PRKN: variants seen among roughly 807,000 people sequenced by gnomAD.
The protein encoded by PRKN is parkin RBR E3 ubiquitin protein ligase, also known as E3 ubiquitin-protein ligase parkin.
Under a neutral mutation model 59.5 loss-of-function variants are expected in PRKN, and 56 were observed. The observed-to-expected ratio is 0.94, with a 90% CI of 0.76 to 1.18. The LOEUF is 1.18. Ranked by LOEUF, PRKN falls within the 50% of genes most tolerant of loss-of-function variation. The pLI is 0.00. For missense variants in PRKN, 657 were observed against 596.4 expected (o/e 1.10, Z -1.06); for synonymous variants, 250 against 222.1 (o/e 1.13, Z -1.12).
rs1043525703 is a variant in PRKN, at chr6:161,704,619, C to T, written c.871+81153G>A. 5.3e-5 allele frequency among the ~76,000 whole-genome samples: 8 copies of T among 152,140 alleles called. No homozygotes were observed. In the South Asian group the frequency reaches 1.2e-3, roughly 24 times the overall value. On this transcript the variant is annotated intron_variant, in intron 7 of 11. Transcript: ENST00000366898. ...AGAAAATCTGCACACCCAGGTCCTC[C>T]GGTTCCCCACCTAGGTTAGAGCTGC...
chr6:162,504,701 C>CAT (rs1793528469), intron 1 of PRKN, among the ~76,000 whole-genome samples: 1 of 152,144 alleles, frequency 6.6e-6, no homozygotes, highest in Non-Finnish European at 1.5e-5. Flanking sequence ...AGAACTGATA[C>CAT]ATTTGTCCCC....
At chr6:161,912,880 T>C (rs1042881400) in intron 6 of PRKN, among the ~76,000 whole-genome samples, 1 of 152,154 alleles carries the variant, frequency 6.6e-6, no homozygotes, top group African/African-American at 2.4e-5. Context: ...TATTTTGTTT[T>C]AAAGACATGG....
At chr6:161,595,009 G>A (rs1235351212) in intron 7 of PRKN, among the ~76,000 whole-genome samples, 1 of 152,134 alleles carries the variant, frequency 6.6e-6, no homozygotes, top group Non-Finnish European at 1.5e-5. Flanking sequence ...AAATCCAATG[G>A]AAAATGTGAC....
At chr6:161,656,845 CA>C (rs1784368139) in intron 7 of PRKN, among the ~76,000 whole-genome samples, 2 of 152,146 alleles carry the variant, frequency 1.3e-5, no homozygotes, top group Admixed American at 1.3e-4. Context: ...TACCTCTTCC[CA>C]AATTCACCAG....
intron 6 of PRKN, among the ~76,000 whole-genome samples, chr6:161,937,561 T>C (rs1278520884): frequency 5.9e-5 from 9 of 152,224 alleles, no homozygotes; most frequent in Non-Finnish European, 1.2e-4. Flanking sequence ...CGCTCTGAAC[T>C]ACTGACATTT....
rs549512111 is a variant in PRKN, at chr6:161,530,223, A to T, written c.1083+18631T>A. Reference sequence around the variant, plus strand: ...AACAAAAACTACTTGGATTGTCTGGAGGTCATAGTCCAAAGGAAGGGTTGT... The same window carrying T: ...AACAAAAACTACTTGGATTGTCTGGTGGTCATAGTCCAAAGGAAGGGTTGT... On this transcript the variant is annotated intron_variant, in intron 9 of 11. Transcript: ENST00000366898. This position sits in a 1 kb window ranked among gnomAD's most constrained non-coding sequence, Gnocchi z 5.0. 6.6e-6 allele frequency among the ~76,000 whole-genome samples: 1 copy of T among 152,292 alleles called. No individual in the cohort carries two copies. Among genetic ancestry groups the T allele is most frequent in the South Asian group, 2.1e-4 (1 of 4,824 alleles).
chr6:161,657,777 G>C (rs992214247), intron 7 of PRKN, among the ~76,000 whole-genome samples: 1 of 152,068 alleles, frequency 6.6e-6, no homozygotes, highest in Non-Finnish European at 1.5e-5. Context: ...TGTAATCCCA[G>C]CACTTTGGGA....
chr6:162,301,463 C>T (rs541125590), intron 2 of PRKN, among the ~76,000 whole-genome samples: 3 of 152,144 alleles, frequency 2.0e-5, no homozygotes, highest in East Asian at 1.9e-4. Flanking sequence ...ACTGACAGGG[C>T]GGCCTAGACA....
At chr6:162,585,508 T>C (rs1781006491) in intron 1 of PRKN, among the ~76,000 whole-genome samples, 2 of 152,168 alleles carry the variant, frequency 1.3e-5, no homozygotes, top group South Asian at 4.1e-4. Flanking sequence ...TGCAGGGCAT[T>C]AGTGTTTACA....
intron 9 of PRKN, among the ~76,000 whole-genome samples, chr6:161,511,699 T>A (rs1024796023): frequency 2.0e-5 from 3 of 151,832 alleles, no homozygotes; most frequent in African/African-American, 7.3e-5. Flanking sequence ...GACCAGACAA[T>A]CCTTTAAAGG....
intron 9 of PRKN, among the ~76,000 whole-genome samples, chr6:161,504,973 T>C (rs13202817): frequency 0.78 from 107,154 of 136,968 alleles, 42,110 homozygotes; most frequent in Middle Eastern, 0.84. Flanking sequence ...TGAATAGTGC[T>C]GCAATAAACA....
intron 6 of PRKN, among the ~76,000 whole-genome samples, chr6:161,794,859 T>C (rs917855725): frequency 9.9e-5 from 15 of 152,234 alleles, no homozygotes; most frequent in African/African-American, 3.6e-4. Context: ...AATGTTTACA[T>C]TTAGAAAGTA....
In PRKN at chr6:161,363,373, T is replaced by C. The variant is rs909818304; in HGVS notation, c.1168-3168A>G. Reference sequence around the variant, plus strand: ...TAAAAAAGAAACAAATTTCTTTGTTTTGTCCATTTTTCTGGACATGAAACA... The same window carrying C: ...TAAAAAAGAAACAAATTTCTTTGTTCTGTCCATTTTTCTGGACATGAAACA... On this transcript the variant is annotated intron_variant, in intron 10 of 11. Transcript: ENST00000366898. This position sits in a 1 kb window ranked among gnomAD's most constrained non-coding sequence, Gnocchi z 4.1. Among the ~76,000 whole-genome samples, 1 of 152,216 alleles carries C rather than the reference T, an allele frequency of 6.6e-6. No homozygotes were observed. Among genetic ancestry groups the C allele is most frequent in the African/African-American group, 2.4e-5 (1 of 41,456 alleles).
intron 9 of PRKN, among the ~76,000 whole-genome samples, chr6:161,465,668 T>G (rs1790429198): frequency 6.6e-6 from 1 of 152,220 alleles, no homozygotes; most frequent in Non-Finnish European, 1.5e-5. Context: ...TTTCAGCATT[T>G]TGACTGCAAT....
At chr6:161,506,436 T>C (rs1183234402) in intron 9 of PRKN, among the ~76,000 whole-genome samples, 1 of 152,200 alleles carries the variant, frequency 6.6e-6, no homozygotes, top group African/African-American at 2.4e-5. Flanking sequence ...GCTGAGACAA[T>C]GGGGTTTTCT....
chr6:161,415,125 C>A (rs1158497489), intron 9 of PRKN, among the ~76,000 whole-genome samples: 1 of 152,092 alleles, frequency 6.6e-6, no homozygotes, highest in East Asian at 1.9e-4. Flanking sequence ...ATGGCTAACT[C>A]AACAGAATAC....
intron 1 of PRKN, among the ~76,000 whole-genome samples, chr6:162,557,594 C>T (rs754016396): frequency 6.6e-5 from 10 of 152,162 alleles, no homozygotes; most frequent in Non-Finnish European, 1.5e-4. Flanking sequence ...CTACAACCTC[C>T]ACTTCCCAGG....
chr6:161,351,062 T>A (rs1241802911), intron 11 of PRKN, among the ~76,000 whole-genome samples: 1 of 103,064 alleles, frequency 9.7e-6, no homozygotes, highest in Non-Finnish European at 1.8e-5. Context: ...TTTTATATAT[T>A]TATATTTAAA....
At chr6:161,469,189 G>A (rs375032209) in intron 9 of PRKN, among the ~76,000 whole-genome samples, 2 of 152,162 alleles carry the variant, frequency 1.3e-5, no homozygotes, top group Non-Finnish European at 2.9e-5. Context: ...GGAGATAAAT[G>A]AATCATGGGG....
Sources: allele counts gnomAD v4.1 joint callset (sites outside exome capture counted in the v4.1 genomes callset), GRCh38; gene constraint gnomAD v4.1.1; non-coding constraint Gnocchi (gnomAD v3.1); transcripts MANE v1.5; gene names NCBI Gene and HGNC (gene_info 2026-07-23, HGNC 2026-07-21).